The following PLD5 variants were observed in gnomAD, a reference collection of about 807,000 sequenced individuals.
PLD5 encodes the protein phospholipase D family member 5, also known as inactive phospholipase D5.
A neutral mutation model predicts 61.1 loss-of-function variants in PLD5; 36 were observed. The ratio of observed to expected loss-of-function variants is 0.59; its 90% confidence interval spans 0.45 to 0.78. The LOEUF is 0.78. PLD5 is among the 30% of genes least tolerant of loss of function. PLD5 has a pLI of 0.00. For synonymous variants in PLD5, 243 were observed against 242.8 expected, an observed-to-expected ratio of 1.00 and a Z score of -0.01; for missense variants, 515 against 644.4, an observed-to-expected ratio of 0.80 and a Z score of 2.17.
At chr1:242,371,855 CT>C (rs921792314) in intron 1 of PLD5, among the ~76,000 whole-genome samples, 1 of 149,420 alleles carries the variant, frequency 6.7e-6, no homozygotes, top group Non-Finnish European at 1.5e-5. Context: ...TTTTTGCCTG[CT>C]TTTTTTAAAA....
intron 1 of PLD5, among the ~76,000 whole-genome samples, chr1:242,504,574 A>C (rs1668661340): frequency 7.6e-6 from 1 of 132,422 alleles, no homozygotes; most frequent in African/African-American, 3.5e-5. Flanking sequence ...CCATCCATGA[A>C]AGCATTTTTT....
intron 1 of PLD5, among the ~76,000 whole-genome samples, chr1:242,466,348 T>C (rs1270647148): frequency 6.6e-6 from 1 of 152,138 alleles, no homozygotes; most frequent in Non-Finnish European, 1.5e-5. Context: ...ACCATCAAGA[T>C]ACTCAACAGA....
At chr1:242,163,141 TCTTTTCTTTC>T (rs1416522148) in intron 5 of PLD5, among the ~76,000 whole-genome samples, 2 of 133,052 alleles carry the variant, frequency 1.5e-5, no homozygotes, top group African/African-American at 5.6e-5. Flanking sequence ...TATTTTCTTT[TCTTTTCTTTC>T]TTTTCTTGAG....
At chr1:242,516,880 G>T (rs1478914828) in intron 1 of PLD5, among the ~76,000 whole-genome samples, 1 of 152,148 alleles carries the variant, frequency 6.6e-6, no homozygotes, top group Non-Finnish European at 1.5e-5. Context: ...ATTGGAAATG[G>T]ATCTACTCTA....
chr1:242,359,299 T>G (rs1238392517), intron 1 of PLD5, among the ~76,000 whole-genome samples: 1 of 152,192 alleles, frequency 6.6e-6, no homozygotes, highest in Admixed American at 6.5e-5. Flanking sequence ...CTCACCTCTC[T>G]TTTTTGACTG....
intron 1 of PLD5, among the ~76,000 whole-genome samples, chr1:242,399,384 T>TCA (rs1663794383): frequency 6.6e-6 from 1 of 152,220 alleles, no homozygotes; most frequent in African/African-American, 2.4e-5. Flanking sequence ...ATGTTGGCAC[T>TCA]CACTTTTCTA....
At chr1:242,394,989 ATATATATG>A (rs1558527966) in intron 1 of PLD5, among the ~76,000 whole-genome samples, 16 of 48,904 alleles carry the variant, frequency 3.3e-4, no homozygotes, top group African/African-American at 1.5e-3. Context: ...ATATATATGA[ATATATATG>A]TATATATGAA....
chr1:242,426,066 T>C (rs1207268144), intron 1 of PLD5, among the ~76,000 whole-genome samples: 1 of 152,146 alleles, frequency 6.6e-6, no homozygotes, highest in Non-Finnish European at 1.5e-5. Context: ...CTTCTTTGTA[T>C]CCTATTCTTT....
chr1:242,391,446 A>C (rs1435895364), intron 1 of PLD5, among the ~76,000 whole-genome samples: 3 of 152,206 alleles, frequency 2.0e-5, no homozygotes, highest in Non-Finnish European at 4.4e-5. Flanking sequence ...AAACACACAA[A>C]AGGTGAGAGA....
chr1:242,201,148 C>T (rs747298718), intron 5 of PLD5, among the ~76,000 whole-genome samples: 4 of 152,098 alleles, frequency 2.6e-5, no homozygotes, highest in Admixed American at 6.6e-5. Context: ...AGCAATGGGG[C>T]TAAATTTCCA....
chr1:242,480,725 G>A (rs1205289126), intron 1 of PLD5, among the ~76,000 whole-genome samples: 1 of 152,114 alleles, frequency 6.6e-6, no homozygotes, highest in Non-Finnish European at 1.5e-5. Flanking sequence ...ATATGTGAAT[G>A]ATCAATAACC....
chr1:242,445,841 G>A (rs769063055), intron 1 of PLD5, among the ~76,000 whole-genome samples: 41 of 148,566 alleles, frequency 2.8e-4, no homozygotes, highest in Non-Finnish European at 5.3e-4. Flanking sequence ...CCTCCAATCA[G>A]TGGCCAGGGC....
chr1:242,255,974 G>A (rs1326080758), intron 4 of PLD5, among the ~76,000 whole-genome samples: 1 of 152,240 alleles, frequency 6.6e-6, no homozygotes, highest in Non-Finnish European at 1.5e-5. Flanking sequence ...AATGCTTTGT[G>A]GGATCGTAAC....
intron 5 of PLD5, among the ~76,000 whole-genome samples, chr1:242,150,257 T>C (rs2840605): frequency 0.48 from 72,371 of 151,454 alleles, 18,731 homozygotes; most frequent in African/African-American, 0.68. Flanking sequence ...GTTCCATATG[T>C]GCTTAAATAT....
chr1:242,282,774 A>C (rs1418020340), intron 3 of PLD5, among the ~76,000 whole-genome samples: 1 of 151,988 alleles, frequency 6.6e-6, no homozygotes, highest in Non-Finnish European at 1.5e-5. Flanking sequence ...AATTCCCATC[A>C]TTTTGTCTCA....
At chr1:242,262,919 G>A (rs1409646764) in intron 4 of PLD5, among the ~76,000 whole-genome samples, 1 of 152,040 alleles carries the variant, frequency 6.6e-6, no homozygotes, top group East Asian at 1.9e-4. Context: ...AGGGACCCTT[G>A]TGTAAAATTA....
intron 1 of PLD5, among the ~76,000 whole-genome samples, chr1:242,418,436 T>G (rs1031888387): frequency 1.3e-5 from 2 of 151,864 alleles, no homozygotes; most frequent in Non-Finnish European, 2.9e-5. Flanking sequence ...AATGTTGGAG[T>G]TGTCAGTGTG....
chr1:242,295,121 A>G (rs1453738026), intron 2 of PLD5, among the ~76,000 whole-genome samples: 3 of 152,094 alleles, frequency 2.0e-5, no homozygotes, highest in East Asian at 1.9e-4. Context: ...TTTTACCCTT[A>G]CTGTGGTCAT....
intron 1 of PLD5, among the ~76,000 whole-genome samples, chr1:242,451,385 G>A (rs997725591): frequency 6.6e-5 from 10 of 151,052 alleles, no homozygotes; most frequent in African/African-American, 2.2e-4. Context: ...GGATGCCACT[G>A]GTTATTTTAT....
Sources: gnomAD v4.1 joint callset for allele counts (sites outside exome capture counted in the v4.1 genomes callset) on GRCh38, gnomAD v4.1.1 for gene constraint, MANE v1.5 for transcripts, NCBI Gene and HGNC (gene_info 2026-07-23, HGNC 2026-07-21) for gene names.